DPEP1: variants seen among roughly 807,000 people sequenced by gnomAD.
The protein encoded by DPEP1 is beta-lactamase.
DPEP1 carries 50 observed loss-of-function variants against 42.3 expected under a neutral mutation model. That is an observed-to-expected ratio of 1.18 (90% confidence interval 0.94 to 1.50). The LOEUF (loss-of-function observed/expected upper bound fraction) is 1.50, where lower values mean the gene tolerates loss of function less well. Ranked by LOEUF, DPEP1 falls within the 40% of genes most tolerant of loss-of-function variation. The probability of loss-of-function intolerance (pLI) is 0.00; values close to 1 mark genes in which losing one functional copy is unlikely to be tolerated. For missense variants in DPEP1, 663 were observed against 553.0 expected (o/e 1.20, Z -1.99); for synonymous variants, 297 against 234.0 (o/e 1.27, Z -2.46).
chr16:89,617,661 C>T lies in DPEP1; in HGVS notation c.-107+3942C>T, dbSNP rs28470856. On this transcript the variant is annotated intron_variant, in intron 1 of 10. Transcript: ENST00000690203. ...AATCCCAGCACTTTGGGAGGCCGGG[C>T]GCGGCGGCTCACACCTGTAATCCCA... Among the ~76,000 whole-genome samples the T allele has an allele frequency of 3.2e-3, 213 of 66,458 alleles. 1 individual carries two copies. The East Asian group carries it at 0.034, about 11-fold the overall frequency. 43.6% of individuals were successfully genotyped at this position (66,458 alleles called of 152,430 possible).
chr16:89,641,232 G>A (rs2059740688), downstream of DPEP1, among the ~76,000 whole-genome samples: 1 of 151,342 alleles, frequency 6.6e-6, no homozygotes, highest in African/African-American at 2.4e-5. Context: ...GGGGGGGGTT[G>A]ACTGATGTCA....
chr16:89,618,934 C>T (rs1204579377), intron 1 of DPEP1, among the ~76,000 whole-genome samples: 4 of 118,190 alleles, frequency 3.4e-5, no homozygotes, highest in African/African-American at 9.1e-5. Flanking sequence ...CTCCCTGCAG[C>T]TCCCTGCCCC....
At chr16:89,633,520 G>A (rs917815106) in intron 2 of DPEP1, among the ~76,000 whole-genome samples, 2 of 152,206 alleles carry the variant, frequency 1.3e-5, no homozygotes, top group Admixed American at 6.5e-5. Context: ...AGCTCATTGC[G>A]GGCACATAGA....
At chr16:89,641,320 G>A (rs1242430190), downstream of DPEP1, among the ~76,000 whole-genome samples, 1 of 152,126 alleles carries the variant, frequency 6.6e-6, no homozygotes, top group Non-Finnish European at 1.5e-5. Context: ...TTCCGGCTCT[G>A]CTAAGTAACG....
chr16:89,621,358 C>CGCT (rs2059444649), intron 1 of DPEP1, among the ~76,000 whole-genome samples: 1 of 149,232 alleles, frequency 6.7e-6, no homozygotes, highest in African/African-American at 2.5e-5. Flanking sequence ...GTGGGCTGGA[C>CGCT]GCTGGGAGGG....
At chr16:89,616,082 A>C (rs1418642829) in intron 1 of DPEP1, among the ~76,000 whole-genome samples, 3 of 151,058 alleles carry the variant, frequency 2.0e-5, no homozygotes, top group African/African-American at 4.9e-5. Flanking sequence ...CAAAAAAAAA[A>C]CACAAAAAGT....
At chr16:89,637,997 C>G (rs2059706833) in intron 10 of DPEP1, 26 bp downstream of exon 10, 2 of 1,607,616 alleles carry the variant, frequency 1.2e-6, no homozygotes, top group South Asian at 1.1e-5. Flanking sequence ...CCACCTGAGT[C>G]TCCCCCACCA....
chr16:89,624,830 G>T (rs1247740548), intron 1 of DPEP1, among the ~76,000 whole-genome samples: 1 of 152,072 alleles, frequency 6.6e-6, no homozygotes, highest in East Asian at 1.9e-4. Context: ...CCACCCCCTC[G>T]GCCAGTTTTC....
chr16:89,640,466 G>A (rs565765785), downstream of DPEP1: 9 of 716,980 alleles, frequency 1.3e-5, no homozygotes, highest in Middle Eastern at 7.1e-4. Context: ...AGGAGCAGGG[G>A]GCTCCGGGGT....
intron 1 of DPEP1, among the ~76,000 whole-genome samples, chr16:89,619,930 T>TAGCC (rs1238046962): frequency 7.8e-6 from 1 of 127,542 alleles, no homozygotes; most frequent in Non-Finnish European, 1.6e-5. Flanking sequence ...CCCCTGTGAC[T>TAGCC]AGCCCAGCAG....
intron 1 of DPEP1, among the ~76,000 whole-genome samples, chr16:89,629,375 G>A (rs371201942): frequency 1.4e-4 from 22 of 152,066 alleles, no homozygotes; most frequent in African/African-American, 4.6e-4. Context: ...GGTGGTGCAC[G>A]CCTGTGGTCC....
At position 89,637,319 on chromosome 16, in the gene DPEP1, C is replaced by T. The variant is rs2059694855; in HGVS notation, c.707C>T (p.Ser236Phe). 6.2e-7 allele frequency: 1 copy of T among 1,612,614 alleles called. No individual in the cohort carries two copies. The highest frequency in any genetic ancestry group is 8.5e-7 in the Non-Finnish European group (1 of 1,179,974). Residue 236 changes from serine (S) to phenylalanine (F), a missense_variant, in exon 7 of 11, where the codon TCC becomes TTC. Transcript: ENST00000690203. ...LSRAPVIFSH[S>F]SAYSVCASRR... ...AGAGCCCCGGTCATCTTCAGCCACT[C>T]CTCGGCCTACAGCGTGTGCGCAAGC... is the stretch of plus-strand genomic sequence containing the variant.
At chr16:89,635,716 C>G (rs449882) in intron 2 of DPEP1, among the ~76,000 whole-genome samples, 192 bp from the exon 3 acceptor site, 50,146 of 151,904 alleles carry the variant, frequency 0.33, 10,448 homozygotes, top group Middle Eastern at 0.63. Context: ...GGGGTGGGCA[C>G]AGTTGGGAAA....
At chr16:89,627,517 G>A (rs1031211627) in intron 1 of DPEP1, among the ~76,000 whole-genome samples, 9 of 151,570 alleles carry the variant, frequency 5.9e-5, no homozygotes, top group East Asian at 5.8e-4. Flanking sequence ...AGAGGTTGCC[G>A]TGAGCCGAGA....
At position 89,614,758 on chromosome 16, in the gene DPEP1, G is replaced by T. The variant is rs564771687; in HGVS notation, c.-107+1039G>T. On this transcript the variant is annotated intron_variant, in intron 1 of 10. Transcript: ENST00000690203. ...TGCGGTGAGCTGAGATCGTGCCACT[G>T]CACTCCAGCCTGAGTGACAGAGCGA... Among the ~76,000 whole-genome samples the T allele has an allele frequency of 2.0e-5, 3 of 152,316 alleles. No individual in the cohort carries two copies. In the East Asian group the frequency reaches 5.8e-4, roughly 29 times the overall value.
At chr16:89,636,071 G>A in intron 3 of DPEP1, 31 bp downstream of exon 3, 1 of 1,588,628 alleles carries the variant, frequency 6.3e-7, no homozygotes, top group South Asian at 1.1e-5. Context: ...TGCTTGCCCT[G>A]TGTGGGGTCA....
At chr16:89,636,476 C>T in intron 4 of DPEP1, 57 bp from the exon 5 acceptor site, 1 of 1,598,306 alleles carries the variant, frequency 6.3e-7, no homozygotes, top group Non-Finnish European at 8.5e-7. Flanking sequence ...CCGGTCAGGA[C>T]ACCTCACCCT....
intron 1 of DPEP1, among the ~76,000 whole-genome samples, chr16:89,627,930 TG>T (rs1030275268): frequency 2.6e-4 from 39 of 151,876 alleles, no homozygotes; most frequent in African/African-American, 8.7e-4. Context: ...AGGGTATTTT[TG>T]TTTGTTTTTG....
downstream of DPEP1, among the ~76,000 whole-genome samples, chr16:89,639,100 C>CCCCCACCCCTGCACACACACACATA (rs1555633115): frequency 4.3e-3 from 115 of 26,628 alleles, 12 homozygotes; most frequent in Middle Eastern, 0.042. Flanking sequence ...CACACACACA[C>CCCCCACCCCTGCACACACACACATA]CCCCACCCCT....
Sources: allele counts gnomAD v4.1 joint callset (sites outside exome capture counted in the v4.1 genomes callset), GRCh38; gene constraint gnomAD v4.1.1; transcripts MANE v1.5; gene names NCBI Gene and HGNC (gene_info 2026-07-23, HGNC 2026-07-21).